CSMD1: variants seen among roughly 807,000 people sequenced by gnomAD.
CSMD1 encodes CUB and sushi domain-containing protein 1.
A neutral mutation model predicts 417.5 loss-of-function variants in CSMD1; 213 were observed. That is an observed-to-expected ratio of 0.51 (90% CI 0.46 to 0.57). The LOEUF is 0.57. CSMD1 is among the 20% of genes least tolerant of loss of function. The probability of loss-of-function intolerance (pLI) is 0.00; values close to 1 mark genes in which losing one functional copy is unlikely to be tolerated. For missense variants in CSMD1, 6,923 were observed against 4,529.7 expected (o/e 1.53, Z -15.17); for synonymous variants, 2,862 against 1,736.8 (o/e 1.65, Z -16.11).
chr8:4,500,725 A>G (rs188942457), intron 2 of CSMD1, among the ~76,000 whole-genome samples: 57 of 152,242 alleles, frequency 3.7e-4, no homozygotes, highest in Admixed American at 1.0e-3. Flanking sequence ...ATTGAGCTGT[A>G]AATTTTACTT....
intron 3 of CSMD1, among the ~76,000 whole-genome samples, chr8:4,222,805 C>G (rs993652756): frequency 6.6e-6 from 1 of 152,036 alleles, no homozygotes; most frequent in African/African-American, 2.4e-5. Flanking sequence ...GTTGAGCTGA[C>G]CTGAGGATTT....
At chr8:3,167,664 G>A (rs1585536163) in intron 37 of CSMD1, among the ~76,000 whole-genome samples, 1 of 152,192 alleles carries the variant, frequency 6.6e-6, no homozygotes, top group Non-Finnish European at 1.5e-5. Flanking sequence ...TAAACCCCAT[G>A]AATCCAGCCT....
chr8:4,091,446 C>G (rs971646038), intron 3 of CSMD1, among the ~76,000 whole-genome samples: 3 of 152,050 alleles, frequency 2.0e-5, no homozygotes, highest in Non-Finnish European at 2.9e-5. Flanking sequence ...CACTTTTGCT[C>G]CACGTCAGAA....
intron 3 of CSMD1, among the ~76,000 whole-genome samples, chr8:4,070,098 C>T (rs1411289132): frequency 6.6e-6 from 1 of 151,960 alleles, no homozygotes; most frequent in Non-Finnish European, 1.5e-5. Flanking sequence ...TAAAGAAACA[C>T]CCAAGATTTT....
intron 5 of CSMD1, among the ~76,000 whole-genome samples, chr8:3,909,813 G>T (rs895892396): frequency 1.3e-5 from 2 of 152,098 alleles, no homozygotes; most frequent in African/African-American, 4.8e-5. Context: ...TCACAATTTT[G>T]CATGGTGATT....
chr8:4,026,021 A>AC (rs1205477691), intron 4 of CSMD1, among the ~76,000 whole-genome samples: 1 of 152,060 alleles, frequency 6.6e-6, no homozygotes, highest in Non-Finnish European at 1.5e-5. Context: ...TAAAAAAAAA[A>AC]AAAACTCTTC....
At chr8:3,987,223 C>G (rs1384865190) in intron 5 of CSMD1, among the ~76,000 whole-genome samples, 2 of 152,228 alleles carry the variant, frequency 1.3e-5, no homozygotes, top group East Asian at 3.9e-4. Flanking sequence ...GCAGCACGCA[C>G]TCTTCCTGTG....
intron 1 of CSMD1, among the ~76,000 whole-genome samples, chr8:4,879,406 G>T (rs1452144992): frequency 6.6e-6 from 1 of 152,238 alleles, no homozygotes; most frequent in Non-Finnish European, 1.5e-5. Context: ...TTAGTGCAAT[G>T]AATTGATATG....
chr8:2,950,161 G>A, intron 67 of CSMD1, 70 bp downstream of exon 67: 2 of 1,000,322 alleles, frequency 2.0e-6, no homozygotes, highest in Non-Finnish European at 3.2e-6. Flanking sequence ...CCAATCCGTA[G>A]CCCTTGCATC....
At chr8:4,968,545 A>G (rs1810027790) in intron 1 of CSMD1, among the ~76,000 whole-genome samples, 1 of 152,042 alleles carries the variant, frequency 6.6e-6, no homozygotes, top group Non-Finnish European at 1.5e-5. Flanking sequence ...ACCAATTAAT[A>G]TTTTTTATAT....
intron 2 of CSMD1, among the ~76,000 whole-genome samples, chr8:4,451,809 T>C (rs370174058): frequency 1.3e-5 from 2 of 152,178 alleles, no homozygotes; most frequent in African/African-American, 4.8e-5. Context: ...TCTTAAAGGA[T>C]GGGCTCTTAC....
chr8:3,839,403 T>C (rs1406501715), intron 5 of CSMD1, among the ~76,000 whole-genome samples: 3 of 59,656 alleles, frequency 5.0e-5, no homozygotes, highest in African/African-American at 1.5e-4. Context: ...TATATTTATA[T>C]ATAATAAAAA....
chr8:4,821,841 G>T (rs1194462828), intron 1 of CSMD1, among the ~76,000 whole-genome samples: 1 of 152,122 alleles, frequency 6.6e-6, no homozygotes, highest in Non-Finnish European at 1.5e-5. Context: ...GATCAGAAAA[G>T]CTGAGCCTGT....
intron 26 of CSMD1, among the ~76,000 whole-genome samples, chr8:3,249,238 T>C (rs1315462490): frequency 1.3e-5 from 2 of 152,174 alleles, no homozygotes; most frequent in Admixed American, 1.3e-4. Flanking sequence ...GCTGTTGTTA[T>C]TGAGATAGAG....
chr8:3,718,486 G>T (rs1312323653), intron 6 of CSMD1, among the ~76,000 whole-genome samples: 1 of 152,142 alleles, frequency 6.6e-6, no homozygotes, highest in Non-Finnish European at 1.5e-5. Context: ...AAAGACAGAG[G>T]TACTTACTTA....
intron 3 of CSMD1, among the ~76,000 whole-genome samples, chr8:4,273,382 G>A (rs1431694332): frequency 3.3e-5 from 5 of 152,050 alleles, no homozygotes; most frequent in Non-Finnish European, 5.9e-5. Flanking sequence ...TGGGTTTCTG[G>A]ATTTCATATC....
chr8:3,868,278 C>G (rs73172284), intron 5 of CSMD1, among the ~76,000 whole-genome samples: 3,150 of 152,174 alleles, frequency 0.021, 44 homozygotes, highest in Middle Eastern at 0.075. Flanking sequence ...TGAAGTGTGC[C>G]TTTTCAGTCG....
intron 26 of CSMD1, among the ~76,000 whole-genome samples, chr8:3,251,868 CTGT>C (rs532094486): frequency 7.5e-4 from 114 of 152,186 alleles, no homozygotes; most frequent in Non-Finnish European, 1.4e-3. Flanking sequence ...CTTTCTTTGT[CTGT>C]TGTTGGTGTA....
intron 49 of CSMD1, among the ~76,000 whole-genome samples, chr8:3,085,779 T>A (rs573944130): frequency 6.6e-6 from 1 of 152,322 alleles, no homozygotes; most frequent in South Asian, 2.1e-4. Context: ...CTCCACCTCA[T>A]AATCCGTTTC....
Sources: gnomAD v4.1 joint callset for allele counts (sites outside exome capture counted in the v4.1 genomes callset) on GRCh38, gnomAD v4.1.1 for gene constraint, MANE v1.5 for transcripts, NCBI Gene and HGNC (gene_info 2026-07-23, HGNC 2026-07-21) for gene names.